Variants in CES5A observed in about 807,000 individuals in gnomAD.
CES5A encodes the protein carboxylesterase 5.
A neutral mutation model predicts 62.9 loss-of-function variants in CES5A; 67 were observed. The observed-to-expected ratio is 1.07, with a 90% CI of 0.88 to 1.31. The LOEUF (loss-of-function observed/expected upper bound fraction) is 1.31, where lower values mean the gene tolerates loss of function less well. CES5A is among the 50% of genes most tolerant of loss of function. The probability of loss-of-function intolerance (pLI) is 0.00; values close to 1 mark genes in which losing one functional copy is unlikely to be tolerated. For missense variants in CES5A, 748 were observed against 708.5 expected, an observed-to-expected ratio of 1.06 and a Z score of -0.63; for synonymous variants, 296 against 280.8, an observed-to-expected ratio of 1.05 and a Z score of -0.54.
chr16:55,937,332 A>C (rs1165594164), intron 2 of CES5A, among the ~76,000 whole-genome samples: 1 of 152,098 alleles, frequency 6.6e-6, no homozygotes, highest in African/African-American at 2.4e-5. Flanking sequence ...ACTCTCCTGG[A>C]GGGCAGGGAC....
chr16:55,949,802 T>C (rs1440090895), exon 2 of CES5A: 4 of 1,488,568 alleles, frequency 2.7e-6, no homozygotes, highest in Non-Finnish European at 3.6e-6. Flanking sequence ...TTTGGAAGTG[T>C]AGTTTAAGAC....
chr16:55,920,540 T>G (rs1287230314), intron 1 of CES5A, among the ~76,000 whole-genome samples: 1 of 152,190 alleles, frequency 6.6e-6, no homozygotes, highest in Non-Finnish European at 1.5e-5. Flanking sequence ...GGGCACTGCT[T>G]AGATCATTTA....
chr16:55,873,160 A>T (rs1279723312), intron 2 of CES5A, among the ~76,000 whole-genome samples: 14 of 152,086 alleles, frequency 9.2e-5, no homozygotes, highest in African/African-American at 3.4e-4. Flanking sequence ...TTCAAGTCTC[A>T]CTGCCCACCC....
At chr16:55,855,734 G>T (rs534254135) in intron 9 of CES5A, among the ~76,000 whole-genome samples, 1 of 152,138 alleles carries the variant, frequency 6.6e-6, no homozygotes, top group Non-Finnish European at 1.5e-5. Context: ...GGTCTGGTTC[G>T]GCTGCTGGGT....
intron 2 of CES5A, among the ~76,000 whole-genome samples, chr16:55,949,348 A>G (rs567455713): frequency 2.0e-5 from 3 of 152,326 alleles, no homozygotes; most frequent in Non-Finnish European, 4.4e-5. Flanking sequence ...AGGCTGAGAA[A>G]GTGGGCTGCT....
intron 1 of CES5A, among the ~76,000 whole-genome samples, chr16:55,887,717 G>A (rs1407586839): frequency 6.6e-6 from 1 of 152,178 alleles, no homozygotes; most frequent in Non-Finnish European, 1.5e-5. Flanking sequence ...GGAGTGGACG[G>A]TAAAAGACAT....
intron 1 of CES5A, among the ~76,000 whole-genome samples, chr16:55,919,055 A>G (rs1177140086): frequency 6.6e-6 from 1 of 152,138 alleles, no homozygotes; most frequent in Non-Finnish European, 1.5e-5. Context: ...AGGACCCCCT[A>G]TCTACCCCAC....
intron 1 of CES5A, among the ~76,000 whole-genome samples, chr16:55,900,217 A>C (rs1352998246): frequency 1.3e-5 from 2 of 152,198 alleles, no homozygotes; most frequent in East Asian, 3.9e-4. Context: ...CCCCAGGAGA[A>C]GTTTCCCAGA....
At chr16:55,898,653 G>GA (rs1281453044) in intron 1 of CES5A, among the ~76,000 whole-genome samples, 1 of 152,158 alleles carries the variant, frequency 6.6e-6, no homozygotes, top group African/African-American at 2.4e-5. Flanking sequence ...TCCAATTACG[G>GA]AAAAAAGGTT....
chr16:55,879,249 A>G (rs2033735867), upstream of CES5A, among the ~76,000 whole-genome samples: 1 of 139,288 alleles, frequency 7.2e-6, no homozygotes, highest in South Asian at 2.3e-4. Context: ...GCACCCTACC[A>G]CTGTACCCCT....
chr16:55,921,169 A>G (rs1160717944), intron 1 of CES5A, among the ~76,000 whole-genome samples: 2 of 152,176 alleles, frequency 1.3e-5, no homozygotes, highest in African/African-American at 4.8e-5. Context: ...GTTCAAAGAG[A>G]GTTCAACAAG....
chr16:55,889,924 T>C (rs1183145830), intron 1 of CES5A, among the ~76,000 whole-genome samples: 1 of 152,204 alleles, frequency 6.6e-6, no homozygotes, highest in Non-Finnish European at 1.5e-5. Flanking sequence ...AGATCACTTA[T>C]ATATTTCACA....
chr16:55,882,448 A>ATGAGCTC (rs2033771669), intron 1 of CES5A, among the ~76,000 whole-genome samples: 1 of 152,198 alleles, frequency 6.6e-6, no homozygotes, highest in Non-Finnish European at 1.5e-5. Context: ...GGAGCTTGCC[A>ATGAGCTC]TGAGCTCCAC....
intron 1 of CES5A, among the ~76,000 whole-genome samples, chr16:55,953,308 A>C (rs181723980): frequency 7.9e-5 from 12 of 152,316 alleles, no homozygotes; most frequent in African/African-American, 2.9e-4. Flanking sequence ...ATTACTTTTC[A>C]ATATTGCTCT....
intron 1 of CES5A, among the ~76,000 whole-genome samples, chr16:55,874,946 G>C (rs972644292): frequency 6.6e-6 from 1 of 152,196 alleles, no homozygotes; most frequent in South Asian, 2.1e-4. Flanking sequence ...GGCAGAACCA[G>C]GATCTTCTGT....
chr16:55,859,727 G>A, intron 7 of CES5A, 40 bp from the exon 8 acceptor site: 1 of 1,572,506 alleles, frequency 6.4e-7, no homozygotes, highest in African/African-American at 1.4e-5. Flanking sequence ...GCTATCATCA[G>A]CTATTTCTGT....
intron 9 of CES5A, among the ~76,000 whole-genome samples, chr16:55,854,016 C>A (rs1270651649): frequency 6.6e-6 from 1 of 152,100 alleles, no homozygotes; most frequent in African/African-American, 2.4e-5. Flanking sequence ...CAAGGGAGGC[C>A]TCTGCAGTAG....
intron 1 of CES5A, among the ~76,000 whole-genome samples, chr16:55,881,684 G>A (rs2033763606): frequency 6.6e-6 from 1 of 152,192 alleles, no homozygotes; most frequent in Admixed American, 6.5e-5. Flanking sequence ...CTCCTAGAAT[G>A]AGGGACTCAC....
At chr16:55,941,413 A>G (rs1466726287) in intron 2 of CES5A, among the ~76,000 whole-genome samples, 1 of 152,094 alleles carries the variant, frequency 6.6e-6, no homozygotes, top group Admixed American at 6.6e-5. Flanking sequence ...AAATACATAT[A>G]TAAGACCTGT....
Sources: gnomAD v4.1 joint callset for allele counts (sites outside exome capture counted in the v4.1 genomes callset) on GRCh38, gnomAD v4.1.1 for gene constraint, MANE v1.5 for transcripts, NCBI Gene and HGNC (gene_info 2026-07-23, HGNC 2026-07-21) for gene names.